The following ERCC6 variants were observed in gnomAD, a reference collection of about 807,000 sequenced individuals.
The protein encoded by ERCC6 is ERCC excision repair 6, chromatin remodeling factor, also known as DNA excision repair protein ERCC-6.
In ERCC6, 116 loss-of-function variants were observed where a neutral mutation model predicts 158.7. The observed-to-expected ratio is 0.73, with a 90% confidence interval of 0.63 to 0.85. ERCC6 has a LOEUF of 0.85. ERCC6 is among the 40% of genes least tolerant of loss of function. The pLI, the probability that ERCC6 is intolerant of heterozygous loss-of-function variation, is 0.00. For missense variants in ERCC6, 1,698 were observed against 1,799.4 expected, an observed-to-expected ratio of 0.94 and a Z score of 1.02; for synonymous variants, 678 against 659.3, an observed-to-expected ratio of 1.03 and a Z score of -0.43.
In ERCC6 at chr10:49,530,782, C is replaced by CT; in HGVS notation, c.480dup (p.Ala161SerfsTer20). 2 of 1,613,750 alleles carry CT rather than the reference C, an allele frequency of 1.2e-6. No homozygotes were observed. The highest frequency in any genetic ancestry group is 1.7e-6 in the Non-Finnish European group (2 of 1,179,888). On this transcript the variant is annotated frameshift_variant, in exon 3 of 21. Coordinates refer to ENST00000355832, the MANE Select transcript of ERCC6 (RefSeq NM_000124.4). LOFTEE classifies it high-confidence loss of function. ...CTGTTGATGTCTCTGCTGGTGGCAG[C>CT]TTGAGGGCTAAGCTGTTCAATAATT... is the stretch of plus-strand genomic sequence containing the variant.
At chr10:49,481,931 G>A (rs1850987223) in intron 10 of ERCC6, among the ~76,000 whole-genome samples, 1 of 152,130 alleles carries the variant, frequency 6.6e-6, no homozygotes, top group Non-Finnish European at 1.5e-5. Flanking sequence ...CCTCCCTCTT[G>A]TGACTACCCT....
chr10:49,521,239 G>A (rs187520702), intron 5 of ERCC6, among the ~76,000 whole-genome samples: 313 of 152,346 alleles, frequency 2.1e-3, no homozygotes, highest in Middle Eastern at 0.02. Flanking sequence ...AACAAGGACT[G>A]GGGACAAGCG....
chr10:49,483,288 A>G, intron 9 of ERCC6, 58 bp downstream of exon 9: 1 of 1,532,738 alleles, frequency 6.5e-7, no homozygotes, highest in Non-Finnish European at 9.0e-7. Flanking sequence ...CAGATAGTTT[A>G]TTCTGAATTA....
In ERCC6 at chr10:49,515,230, T is replaced by C. The variant is rs1055650922; in HGVS notation, c.1397+8803A>G. 2.0e-5 allele frequency: 28 copies of C among 1,407,094 alleles called. No homozygotes were observed. In the African/African-American group the frequency reaches 3.3e-4, roughly 17 times the overall value. 87.2% of individuals were successfully genotyped at this position (1,407,094 alleles called of 1,614,324 possible). A position where few individuals can be genotyped will look rare whatever the true frequency, so the allele number is the denominator to read the frequency against. On this transcript the variant is annotated intron_variant, in intron 5 of 20. Transcript: ENST00000355832. The stretch of plus-strand genomic sequence containing the variant: ...AGAAAAAAAAATTTATTATGTTCCA[T>C]TGTTATGTGACGTTCCAAAATTGGA...
intron 6 of ERCC6, chr10:49,501,520 T>C (rs897673803): frequency 6.6e-6 from 1 of 152,104 alleles, no homozygotes; most frequent in Non-Finnish European, 1.5e-5. Context: ...CAATGATATG[T>C]TTAATCTATA....
At chr10:49,495,965 C>A (rs1851259651) in intron 7 of ERCC6, among the ~76,000 whole-genome samples, 1 of 152,168 alleles carries the variant, frequency 6.6e-6, no homozygotes, top group Non-Finnish European at 1.5e-5. Context: ...AGAGATTAAA[C>A]ACCTGGACGT....
intron 5 of ERCC6, chr10:49,506,397 A>G: frequency 8.0e-6 from 1 of 125,256 alleles, no homozygotes; most frequent in Non-Finnish European, 1.5e-5. Flanking sequence ...CCGCAATACT[A>G]TGTAACAAAA....
chr10:49,511,011 C>CA (rs753649748), intron 5 of ERCC6, among the ~76,000 whole-genome samples: 3,210 of 118,306 alleles, frequency 0.027, 84 homozygotes, highest in African/African-American at 0.077. Context: ...AATCTTATAA[C>CA]AAAAAAAAAA....
At chr10:49,498,130 T>C (rs903482277) in intron 7 of ERCC6, among the ~76,000 whole-genome samples, 1 of 152,238 alleles carries the variant, frequency 6.6e-6, no homozygotes, top group Non-Finnish European at 1.5e-5. Flanking sequence ...ATAAGCAATA[T>C]GTTTCTCTGT....
intron 4 of ERCC6, among the ~76,000 whole-genome samples, chr10:49,526,137 A>ATT (rs1837331454): frequency 4.6e-5 from 1 of 21,760 alleles, no homozygotes; most frequent in Non-Finnish European, 1.4e-4. Context: ...ATATATATAT[A>ATT]TATATATATA....
Position 49,476,260 on chromosome 10 carries a change from G to A in ERCC6, c.2337C>T (p.Phe779=), listed in dbSNP as rs114490473. The part of the protein sequence containing the change: ...TDEQHKVYQN[F]VDSKEVYRIL... ...TCCTGTAAACTTCTTTGGAATCAAC[G>A]AAATTTTGGTAGACTTTATGCTGCT... Residue 779 remains phenylalanine, a synonymous_variant, in exon 12 of 21, where the codon TTC becomes TTT. Transcript: ENST00000355832. 172 of 1,613,600 alleles carry A rather than the reference G, an allele frequency of 1.1e-4. No individual in the cohort carries two copies. Among genetic ancestry groups the A allele is most frequent in the East Asian group, 2.7e-4 (12 of 44,870 alleles).
At chr10:49,442,475 A>C in the ERCC6 span, among the ~76,000 whole-genome samples, 1 of 152,252 alleles carries the variant, frequency 6.6e-6, no homozygotes, top group African/African-American at 2.4e-5. Flanking sequence ...TCTCCCAAAG[A>C]AGCAGAAAGT....
the ERCC6 span, among the ~76,000 whole-genome samples, chr10:49,440,184 C>T: frequency 6.5e-3 from 994 of 152,270 alleles, 7 homozygotes; most frequent in Non-Finnish European, 0.011. Flanking sequence ...TAAAGACATA[C>T]GCAAGACTGG....
the ERCC6 span, among the ~76,000 whole-genome samples, chr10:49,448,449 G>A: frequency 6.6e-6 from 1 of 152,118 alleles, no homozygotes; most frequent in Non-Finnish European, 1.5e-5. Flanking sequence ...CAACTGTACT[G>A]AGATATAATT....
chr10:49,511,914 T>C (rs1228766529), intron 5 of ERCC6, among the ~76,000 whole-genome samples: 1 of 152,156 alleles, frequency 6.6e-6, no homozygotes, highest in Admixed American at 6.5e-5. Context: ...TAATGTAACA[T>C]TGTTGAATCT....
chr10:49,479,120 A>G (rs1234325013), intron 10 of ERCC6, among the ~76,000 whole-genome samples: 1 of 151,980 alleles, frequency 6.6e-6, no homozygotes, highest in Non-Finnish European at 1.5e-5. Flanking sequence ...AAAAAAAAAA[A>G]GCCCCACAGC....
intron 6 of ERCC6, chr10:49,503,203 TAAAG>T (rs1204018189): frequency 6.6e-6 from 1 of 152,066 alleles, no homozygotes; most frequent in African/African-American, 2.4e-5. Flanking sequence ...GAGAAATTAT[TAAAG>T]AAATGGTAAA....
At chr10:49,526,117 TTATATATA>T (rs55801003) in intron 4 of ERCC6, among the ~76,000 whole-genome samples, 611 of 43,420 alleles carry the variant, frequency 0.014, 9 homozygotes, top group African/African-American at 0.046. Context: ...TTATATATTT[TTATATATA>T]TATATATATA....
At chr10:49,496,547 C>T (rs886574249) in intron 7 of ERCC6, among the ~76,000 whole-genome samples, 1 of 152,184 alleles carries the variant, frequency 6.6e-6, no homozygotes, top group African/African-American at 2.4e-5. Context: ...GTGGCTCACA[C>T]CTATAATCCC....
Sources: gnomAD v4.1 joint callset for allele counts (sites outside exome capture counted in the v4.1 genomes callset) on GRCh38, gnomAD v4.1.1 for gene constraint, MANE v1.5 for transcripts, NCBI Gene and HGNC (gene_info 2026-07-23, HGNC 2026-07-21) for gene names.